Variants in SENP1 observed in about 807,000 individuals in gnomAD.
SENP1 encodes sentrin-specific protease 1.
Under a neutral mutation model 93.0 loss-of-function variants are expected in SENP1, and 21 were observed. That is an observed-to-expected ratio of 0.23 (90% CI 0.16 to 0.33). SENP1 has a LOEUF of 0.33. Among genes scored for constraint, SENP1 ranks in the 10% least tolerant of loss-of-function variants. The pLI, the probability that SENP1 is intolerant of heterozygous loss-of-function variation, is 1.00. For missense variants in SENP1, 591 were observed against 758.7 expected (o/e 0.78, Z 2.60); for synonymous variants, 256 against 259.6 (o/e 0.99, Z 0.13).
At chr12:48,069,486 G>A (rs956878392) in intron 9 of SENP1, among the ~76,000 whole-genome samples, 8 of 152,096 alleles carry the variant, frequency 5.3e-5, no homozygotes, top group Non-Finnish European at 1.2e-4. Flanking sequence ...ATCACTAGGG[G>A]AAATCCTCCG....
intron 13 of SENP1, among the ~76,000 whole-genome samples, chr12:48,051,676 G>T (rs990247310): frequency 6.6e-6 from 1 of 152,218 alleles, no homozygotes; most frequent in African/African-American, 2.4e-5. Flanking sequence ...GAAGGAAAAA[G>T]AAATGAGAGA....
At chr12:48,100,039 G>T (rs1945818811) in intron 2 of SENP1, among the ~76,000 whole-genome samples, 2 of 152,098 alleles carry the variant, frequency 1.3e-5, no homozygotes, top group African/African-American at 4.8e-5. Flanking sequence ...AAATGAACAG[G>T]GAAGGAGAAG....
intron 8 of SENP1, among the ~76,000 whole-genome samples, chr12:48,072,345 T>C (rs1347118754): frequency 6.6e-6 from 1 of 152,168 alleles, no homozygotes; most frequent in Admixed American, 6.5e-5. Context: ...CCTTACTTAA[T>C]AATGTCCCCA....
chr12:48,085,042 A>C (rs1944757209), intron 5 of SENP1: 2 of 1,198,994 alleles, frequency 1.7e-6, no homozygotes, highest in African/African-American at 1.5e-5. Flanking sequence ...CTCTGGGGTG[A>C]GCTCTGCCTG....
intron 13 of SENP1, among the ~76,000 whole-genome samples, chr12:48,054,443 A>G (rs1942064851): frequency 6.6e-6 from 1 of 152,146 alleles, no homozygotes; most frequent in South Asian, 2.1e-4. Flanking sequence ...TCATGTTTGC[A>G]GGGTATATTT....
chr12:48,063,282 T>G (rs1943079263), intron 13 of SENP1, among the ~76,000 whole-genome samples: 1 of 152,154 alleles, frequency 6.6e-6, no homozygotes, highest in South Asian at 2.1e-4. Flanking sequence ...GTAATATAAG[T>G]GATCTAAAAT....
intron 6 of SENP1, among the ~76,000 whole-genome samples, chr12:48,083,125 G>T (rs769167484): frequency 6.6e-6 from 1 of 152,074 alleles, no homozygotes; most frequent in African/African-American, 2.4e-5. Context: ...GGCTCGTCTC[G>T]AACTCCTGGG....
chr12:48,060,306 A>G (rs1942873486), intron 13 of SENP1, among the ~76,000 whole-genome samples: 1 of 152,194 alleles, frequency 6.6e-6, no homozygotes, highest in Non-Finnish European at 1.5e-5. Flanking sequence ...ATATCCATGT[A>G]TTTCTAAATT....
chr12:48,074,367 T>C lies in SENP1; in HGVS notation c.897A>G (p.Pro299=), dbSNP rs760668102. 6.2e-7 allele frequency: 1 copy of C among 1,613,880 alleles called. No individual in the cohort carries two copies. The highest frequency in any genetic ancestry group is 8.5e-7 in the Non-Finnish European group (1 of 1,179,804). Residue 299 remains proline, a synonymous_variant, in exon 8 of 18, where the codon CCA becomes CCG. Coordinates refer to ENST00000549518, the MANE Select transcript of SENP1 (RefSeq NM_001267594.2). ...AAGCTGCTAAGTTATCTGGCTGATG[T>C]GGAACAGAGTGGTGATGATGGGGAT... ...LHHPHHHHSV[P]HQPDNLAASN... is the part of the protein sequence containing the mutation.
In SENP1 at chr12:48,088,794, T is replaced by C; in HGVS notation, c.380+7A>G. 6.2e-7 allele frequency: 1 copy of C among 1,608,074 alleles called. No individual in the cohort carries two copies. Among genetic ancestry groups the C allele is most frequent in the Non-Finnish European group, 8.5e-7 (1 of 1,177,036 alleles). On this transcript the variant is annotated splice_region_variant and intron_variant, in intron 5 of 17. Transcript: ENST00000549518. ...GGGCTTGAGAACTAAGATGACAAAA[T>C]ACGAACCTTGAGGTCTTTCGGGTTT...
chr12:48,045,995 G>A (rs1426226506), intron 17 of SENP1, among the ~76,000 whole-genome samples: 1 of 152,188 alleles, frequency 6.6e-6, no homozygotes, highest in Non-Finnish European at 1.5e-5. Context: ...CTAGGAGATT[G>A]AGGTATGGCC....
Position 48,101,536 on chromosome 12 carries a change from A to G in SENP1, c.-44-20T>C, listed in dbSNP as rs1565815086. ...AAAGTCCTATAAAAGAAGACACAAA[A>G]CAGAAAAATTACATACTGAAACACC... On this transcript the variant is annotated intron_variant, in intron 1 of 17. Coordinates refer to ENST00000549518, the MANE Select transcript of SENP1 (RefSeq NM_001267594.2). 14 of 1,381,820 alleles carry G rather than the reference A, an allele frequency of 1.0e-5. No individual in the cohort carries two copies. The highest frequency in any genetic ancestry group is 1.4e-5 in the Non-Finnish European group (14 of 986,184). The allele number at this position is 1,381,820 out of a possible 1,614,324, so 85.6% of individuals were successfully genotyped here.
At chr12:48,063,588 A>G (rs904016534) in intron 13 of SENP1, 122 bp downstream of exon 13, 6 of 916,248 alleles carry the variant, frequency 6.5e-6, no homozygotes, top group African/African-American at 3.3e-5. Context: ...GAAGAGGCCT[A>G]TGAGAGATGA....
At chr12:48,079,534 G>A (rs1286945099) in intron 6 of SENP1, among the ~76,000 whole-genome samples, 1 of 152,022 alleles carries the variant, frequency 6.6e-6, no homozygotes, top group African/African-American at 2.4e-5. Flanking sequence ...TAAGAGTAAA[G>A]GAAGCAATAA....
chr12:48,053,943 A>C (rs1242356322), intron 13 of SENP1, among the ~76,000 whole-genome samples: 1 of 152,178 alleles, frequency 6.6e-6, no homozygotes, highest in Admixed American at 6.5e-5. Context: ...CATCCCCCAA[A>C]AAAGAGACAT....
intron 13 of SENP1, among the ~76,000 whole-genome samples, chr12:48,054,002 A>C (rs1404981606): frequency 1.3e-5 from 2 of 152,194 alleles, no homozygotes; most frequent in African/African-American, 2.4e-5. Flanking sequence ...ACAGCAAGGA[A>C]TGAGAGGGAG....
At chr12:48,056,410 ATTT>A (rs1156777542) in intron 13 of SENP1, among the ~76,000 whole-genome samples, 3 of 80,158 alleles carry the variant, frequency 3.7e-5, no homozygotes, top group Non-Finnish European at 7.7e-5. Flanking sequence ...ATATATAATT[ATTT>A]AATATAGTAC....
At chr12:48,067,894 T>C (rs1398100824) in intron 9 of SENP1, among the ~76,000 whole-genome samples, 1 of 152,108 alleles carries the variant, frequency 6.6e-6, no homozygotes, top group African/African-American at 2.4e-5. Flanking sequence ...TGACTCTCAC[T>C]CTGTTGCCCA....
chr12:48,101,364 T>C (rs1945924035), intron 2 of SENP1, 105 bp downstream of exon 2: 2 of 853,140 alleles, frequency 2.3e-6, no homozygotes, highest in Non-Finnish European at 3.7e-6. Context: ...AAATTATTAT[T>C]AAGCACAAAG....
Sources: gnomAD v4.1 joint callset for allele counts (sites outside exome capture counted in the v4.1 genomes callset) on GRCh38, gnomAD v4.1.1 for gene constraint, MANE v1.5 for transcripts, NCBI Gene and HGNC (gene_info 2026-07-23, HGNC 2026-07-21) for gene names.